Variants in TSC2 observed in about 807,000 individuals in gnomAD.
TSC2 encodes the protein TSC complex subunit 2, also known as tuberin.
Under a neutral mutation model 202.2 loss-of-function variants are expected in TSC2, and 29 were observed. The ratio of observed to expected loss-of-function variants is 0.14; its 90% CI spans 0.11 to 0.20. The LOEUF is 0.20. Ranked by LOEUF, TSC2 falls within the 10% of genes least tolerant of loss-of-function variation. The pLI, the probability that TSC2 is intolerant of heterozygous loss-of-function variation, is 1.00. For missense variants in TSC2, 2,429 were observed against 2,420.0 expected (o/e 1.00, Z -0.08); for synonymous variants, 1,349 against 1,044.0 (o/e 1.29, Z -5.63).
Position 2,071,770 on chromosome 16 carries a change from T to C in TSC2, c.1947-14T>C. 2 of 1,604,812 alleles carry C rather than the reference T, an allele frequency of 1.2e-6. No individual in the cohort carries two copies. The highest frequency in any genetic ancestry group is 1.3e-5 in the African/African-American group (1 of 74,870). On this transcript the variant is annotated splice_polypyrimidine_tract_variant and intron_variant, in intron 18 of 41. Transcript: ENST00000219476. ...GCGGGGACTTGGCCTCAGCTGCTTC[T>C]CTTGCTTCTGCAGGGAGCCAGAGAG...
In TSC2 at chr16:2,048,591, G is replaced by A. The variant is rs142792781; in HGVS notation, c.-25G>A. ...ATTCCTGTTTCGTTTGCACAGAGGG[G>A]TTTTCTGGTGCGTCCTGGTCCACCA... On this transcript the variant is annotated 5_prime_UTR_variant, in exon 2 of 42. Coordinates refer to ENST00000219476, the MANE Select transcript of TSC2 (RefSeq NM_000548.5). 9 of 1,613,692 alleles carry A rather than the reference G, an allele frequency of 5.6e-6. No homozygotes were observed. The highest frequency in any genetic ancestry group is 6.8e-6 in the Non-Finnish European group (8 of 1,180,030).
rs772670418 is a variant in TSC2 at position 2,062,053 on chromosome 16, G to C, written c.1257+45G>C. 9.9e-6 allele frequency: 16 copies of C among 1,612,506 alleles called. No homozygotes were observed. In the African/African-American group the frequency reaches 1.7e-4, roughly 17 times the overall value. On this transcript the variant is annotated intron_variant, in intron 12 of 41. Coordinates refer to ENST00000219476, the MANE Select transcript of TSC2 (RefSeq NM_000548.5). ...GGGGCCTTTGGGCTTTGGCTGGTGG[G>C]GAGGGGCCGGGTGCTGGGTGAAGTG... is the stretch of plus-strand genomic sequence containing the variant.
At position 2,089,474 on chromosome 16, in the gene TSC2, C is replaced by T. The variant is rs1330544126; in HGVS notation, c.*864C>T. On this transcript the variant is annotated 3_prime_UTR_variant, in exon 42 of 42. Transcript: ENST00000219476. ...CTGAGGACTCGGGGAAATAAATTAG[C>T]ATCTCAGAGGCTAGAAACCGTCCAA... 10 of 557,646 alleles carry T rather than the reference C, an allele frequency of 1.8e-5. No individual in the cohort carries two copies. Among genetic ancestry groups the T allele is most frequent in the East Asian group, 1.8e-4 (6 of 33,654 alleles). 34.5% of individuals were successfully genotyped at this position (557,646 alleles called of 1,614,324 possible). A position where few individuals can be genotyped will look rare whatever the true frequency, so the allele number is the denominator to read the frequency against.
chr16:2,078,667 T>G, intron 26 of TSC2: 1 of 367,282 alleles, frequency 2.7e-6, no homozygotes. Context: ...GGAGGCAGCC[T>G]GCGGGCAGAA....
rs556494048 is a variant in TSC2 at position 2,065,286 on chromosome 16, G to A, written c.1600-233G>A. 1.1e-4 allele frequency: 58 copies of A among 508,884 alleles called. 1 individual carries two copies. The highest frequency in any genetic ancestry group is 7.3e-4 in the African/African-American group (38 of 51,738). 31.5% of individuals were successfully genotyped at this position (508,884 alleles called of 1,614,324 possible). A position where few individuals can be genotyped will look rare whatever the true frequency, so the allele number is the denominator to read the frequency against. On this transcript the variant is annotated intron_variant, in intron 15 of 41. Transcript: ENST00000219476. ...AAATTAGCTGGGCGTGGTGGCGGGCGCCTGTAGTCCTAGCTACTGGGGAGG... is the reference window on the plus strand; with the variant it reads ...AAATTAGCTGGGCGTGGTGGCGGGCACCTGTAGTCCTAGCTACTGGGGAGG...
At chr16:2,065,135 C>T (rs574577707) in intron 15 of TSC2, 25 of 194,470 alleles carry the variant, frequency 1.3e-4, no homozygotes, top group Non-Finnish European at 1.8e-4. Flanking sequence ...AAAAAAGGGC[C>T]GGGCACGGTG....
intron 11 of TSC2, 78 bp downstream of exon 11, chr16:2,060,891 TG>T: frequency 1.9e-6 from 3 of 1,560,878 alleles, no homozygotes; most frequent in Non-Finnish European, 2.6e-6. Context: ...GATGGTACCT[TG>T]GGCCCCATCT....
intron 36 of TSC2, among the ~76,000 whole-genome samples, chr16:2,085,799 C>T (rs2090704202): frequency 1.3e-5 from 2 of 152,196 alleles, no homozygotes; most frequent in Admixed American, 1.3e-4. Flanking sequence ...AAGGGCAGGG[C>T]CTGGGCTGCT....
chr16:2,079,913 G>A lies in TSC2; in HGVS notation c.3397+244G>A, dbSNP rs768303699. Among the ~76,000 whole-genome samples, 1 of 152,170 alleles carries A rather than the reference G, an allele frequency of 6.6e-6. No individual in the cohort carries two copies. Among genetic ancestry groups the A allele is most frequent in the Admixed American group, 6.5e-5 (1 of 15,290 alleles). ...GGTGTTTCCTGCGGGTTTTCAGCTC[G>A]GCTCAGTCCTGGAGCCCTTCTCTGC... is the stretch of plus-strand genomic sequence containing the variant. On this transcript the variant is annotated intron_variant, in intron 29 of 41. Coordinates refer to ENST00000219476, the MANE Select transcript of TSC2 (RefSeq NM_000548.5). This position sits in a 1 kb window ranked among gnomAD's most constrained non-coding sequence, Gnocchi z 4.6.
chr16:2,082,282 A>G (rs2090235520), intron 31 of TSC2, 154 bp from the exon 32 acceptor site: 1 of 826,264 alleles, frequency 1.2e-6, no homozygotes, highest in Admixed American at 1.8e-5. Flanking sequence ...GGTCTGCCCA[A>G]GCAGCTTGTA....
rs764218079 is a variant in TSC2, at chr16:2,055,486, G to A, written c.566G>A (p.Cys189Tyr). ...VLVNLVKFNS[C>Y]YLDEYIARMV... ...GTGAACTTGGTCAAATTCAATAGCT[G>A]TTACCTCGACGAGTACATCGCAAGG... The change falls in exon 6 of 42, where the codon TGT becomes TAT. Residue 189 changes from cysteine (C) to tyrosine (Y), a missense_variant. Cys to Tyr is a radical substitution (Grantham distance 194). Transcript: ENST00000219476. 4 of 1,614,094 alleles carry A rather than the reference G, an allele frequency of 2.5e-6. No homozygotes were observed. Among genetic ancestry groups the A allele is most frequent in the African/African-American group, 1.3e-5 (1 of 74,934 alleles).
intron 17 of TSC2, among the ~76,000 whole-genome samples, chr16:2,071,215 G>A (rs1030735607): frequency 1.3e-5 from 2 of 152,244 alleles, no homozygotes; most frequent in African/African-American, 4.8e-5. Flanking sequence ...GGCGTGTGGT[G>A]CTGCCAGAGG....
intron 4 of TSC2, chr16:2,054,082 T>C (rs1418591218): frequency 3.0e-6 from 2 of 669,506 alleles, no homozygotes; most frequent in Admixed American, 5.5e-5. Context: ...CACACAGCAG[T>C]TGCTCCCCAT....
chr16:2,082,440 C>T lies in TSC2; in HGVS notation c.3819C>T (p.Ala1273=), dbSNP rs1248167345. Reference sequence around the variant, plus strand: ...GCACACGGCCTTCCCTTGCAGTGGCCTCTTTCTCCTCCCTGTACCAGTCCA... The same window carrying T: ...GCACACGGCCTTCCCTTGCAGTGGCTTCTTTCTCCTCCCTGTACCAGTCCA... ...PPPLPRSNTV[A]SFSSLYQSSC... is the part of the protein sequence containing the mutation. The change falls in exon 32 of 42, where the codon GCC becomes GCT. Residue 1273 remains alanine, a synonymous_variant. Coordinates refer to ENST00000219476, the MANE Select transcript of TSC2 (RefSeq NM_000548.5). 1.2e-6 allele frequency: 2 copies of T among 1,612,484 alleles called. No homozygotes were observed. The highest frequency in any genetic ancestry group is 2.7e-5 in the African/African-American group (2 of 74,942).
chr16:2,055,961 C>T, intron 6 of TSC2: 3 of 570,878 alleles, frequency 5.3e-6, no homozygotes, highest in Admixed American at 5.1e-5. Context: ...TCTTGGTTAT[C>T]TTTTTGTTGT....
chr16:2,074,334 C>T lies in TSC2; in HGVS notation c.2490C>T (p.Leu830=), dbSNP rs768573698. Residue 830 remains leucine, a synonymous_variant, in exon 22 of 42, where the codon CTC becomes CTT. Transcript: ENST00000219476. The part of the protein sequence containing the change: ...IKALPVLVVK[L]THISATASMA... ...CGCTGCCTGTTCTGGTGGTGAAGCT[C>T]ACGCACATCTCAGCCACAGCCAGCA... 4 of 1,612,860 alleles carry T rather than the reference C, an allele frequency of 2.5e-6. No individual in the cohort carries two copies. Among genetic ancestry groups the T allele is most frequent in the Admixed American group, 1.7e-5 (1 of 60,030 alleles).
intron 2 of TSC2, 104 bp downstream of exon 2, chr16:2,048,857 C>T: frequency 6.6e-7 from 1 of 1,517,958 alleles, no homozygotes; most frequent in Non-Finnish European, 9.1e-7. Flanking sequence ...TGGCAACTGT[C>T]TACACAGGAA....
intron 35 of TSC2, 41 bp from the exon 36 acceptor site, chr16:2,085,189 G>A (rs768596358): frequency 3.7e-6 from 6 of 1,612,010 alleles, no homozygotes; most frequent in Non-Finnish European, 5.1e-6. Flanking sequence ...GCCTCCTGTG[G>A]ACGGGCGTCT....
chr16:2,065,707 T>A, intron 16 of TSC2, 72 bp downstream of exon 16: 1 of 1,339,596 alleles, frequency 7.5e-7, no homozygotes, highest in Non-Finnish European at 1.1e-6. Context: ...ATCTGCGTTG[T>A]GTTGGAGTCT....
Sources: allele counts gnomAD v4.1 joint callset (sites outside exome capture counted in the v4.1 genomes callset), GRCh38; gene constraint gnomAD v4.1.1; non-coding constraint Gnocchi (gnomAD v3.1); transcripts MANE v1.5; gene names NCBI Gene and HGNC (gene_info 2026-07-23, HGNC 2026-07-21).